The following ABCA5 variants were observed in gnomAD, a reference collection of about 807,000 sequenced individuals.
The protein encoded by ABCA5 is cholesterol transporter ABCA5.
ABCA5 carries 163 observed loss-of-function variants against 206.0 expected under a neutral mutation model. The observed-to-expected ratio is 0.79, with a 90% CI of 0.70 to 0.90. The LOEUF (loss-of-function observed/expected upper bound fraction) is 0.90, where lower values mean the gene tolerates loss of function less well. ABCA5 is among the 40% of genes least tolerant of loss of function. ABCA5 has a pLI of 0.00. For missense variants in ABCA5, 1,859 were observed against 1,912.9 expected (o/e 0.97, Z 0.53); for synonymous variants, 609 against 613.8 (o/e 0.99, Z 0.11).
chr17:69,281,209 G>A (rs1035150210), intron 18 of ABCA5, among the ~76,000 whole-genome samples: 2 of 151,596 alleles, frequency 1.3e-5, no homozygotes, highest in African/African-American at 4.8e-5. Flanking sequence ...AAATATTAAA[G>A]AGAATGTACT....
chr17:69,271,432 C>A (rs2075272848), intron 20 of ABCA5, 143 bp from the exon 21 acceptor site: 3 of 918,352 alleles, frequency 3.3e-6, no homozygotes, highest in Admixed American at 6.6e-5. Flanking sequence ...TGAAGCCAGT[C>A]AGCCTGGTTT....
intron 1 of ABCA5, chr17:69,318,921 G>A (rs1011883566): frequency 1.5e-5 from 10 of 656,678 alleles, no homozygotes; most frequent in Admixed American, 3.9e-5. Context: ...GTGGTAATGC[G>A]ATGTAATGGC....
At chr17:69,312,077 A>G (rs2075775937) in intron 3 of ABCA5, among the ~76,000 whole-genome samples, 1 of 152,244 alleles carries the variant, frequency 6.6e-6, no homozygotes, top group Admixed American at 6.5e-5. Flanking sequence ...GCGATGACAT[A>G]TAAGCTAATT....
chr17:69,277,755 G>C lies in ABCA5; in HGVS notation c.2480C>G (p.Ser827Cys). Residue 827 changes from serine to cysteine, a missense_variant, in exon 19 of 39, where the codon TCT (serine) becomes TGT (cysteine). Coordinates refer to ENST00000392676, the MANE Select transcript of ABCA5 (RefSeq NM_172232.4). ...GCTCACTAGAGCAGCCTTGGTTTCA[G>C]AAAGAATAAGTAAGCTCTGTTCCAT... Reference protein sequence around the residue: ...DEMEQSLLILSETKAALVSTM... With the variant: ...DEMEQSLLILCETKAALVSTM... 1 of 1,607,144 alleles carries C rather than the reference G, an allele frequency of 6.2e-7. No individual in the cohort carries two copies. Among genetic ancestry groups the C allele is most frequent in the Non-Finnish European group, 8.5e-7 (1 of 1,177,982 alleles).
chr17:69,286,041 G>A lies in ABCA5; in HGVS notation c.2133-4C>T, dbSNP rs1382052820. 6.3e-7 allele frequency: 1 copy of A among 1,597,394 alleles called. No homozygotes were observed. Among genetic ancestry groups the A allele is most frequent in the East Asian group, 2.3e-5 (1 of 44,406 alleles). The stretch of plus-strand genomic sequence containing the variant: ...ACAATATTTGTCTATGTACATGCTA[G>A]AGAATACCAAAAATCACAATTAATG... On this transcript the variant is annotated splice_region_variant and splice_polypyrimidine_tract_variant and intron_variant, in intron 16 of 38. Transcript: ENST00000392676.
intron 9 of ABCA5, among the ~76,000 whole-genome samples, chr17:69,300,307 G>A (rs532481480): frequency 6.6e-6 from 1 of 152,286 alleles, no homozygotes; most frequent in East Asian, 1.9e-4. Context: ...CTGACAGGAG[G>A]TGGAGCTCAG....
At chr17:69,254,226 C>T in intron 32 of ABCA5, 89 bp downstream of exon 32, 1 of 1,076,034 alleles carries the variant, frequency 9.3e-7, no homozygotes, top group Non-Finnish European at 1.3e-6. Context: ...AATCATTGTC[C>T]ACAGAAATGC....
rs754371724 is a variant in ABCA5, at chr17:69,284,051, C to G, written c.2294G>C (p.Ser765Thr). ...AGAAATGACACCCAAATTTGAATGA[C>G]TGTCTAGGGCAGAAAACAAACCTAA... ...KFSGLFSALD[S>T]HSNLGVISYG... The change falls in exon 18 of 39, where the codon AGT (serine) becomes ACT (threonine). Residue 765 changes from serine to threonine, a missense_variant. Physicochemically the swap from Ser to Thr is moderately conservative, Grantham distance 58. Transcript: ENST00000392676. 1.3e-6 allele frequency: 2 copies of G among 1,587,078 alleles called. No homozygotes were observed. Among genetic ancestry groups the G allele is most frequent in the Admixed American group, 3.7e-5 (2 of 54,718 alleles).
intron 10 of ABCA5, 49 bp from the exon 11 acceptor site, chr17:69,294,762 ATGTG>A: frequency 8.0e-7 from 1 of 1,255,000 alleles, no homozygotes; most frequent in Non-Finnish European, 1.1e-6. Flanking sequence ...ATTTATAAGT[ATGTG>A]TGTTTATTTA....
intron 28 of ABCA5, among the ~76,000 whole-genome samples, chr17:69,258,208 G>T (rs2075104853): frequency 6.6e-6 from 1 of 151,760 alleles, no homozygotes; most frequent in Non-Finnish European, 1.5e-5. Context: ...ACATAAAAAA[G>T]ACACCTGAAC....
intron 1 of ABCA5, among the ~76,000 whole-genome samples, chr17:69,318,432 T>C (rs2075835621): frequency 6.6e-6 from 1 of 152,110 alleles, no homozygotes; most frequent in South Asian, 2.1e-4. Flanking sequence ...TTCCAGTAAA[T>C]ATATATAATT....
intron 10 of ABCA5, 146 bp from the exon 11 acceptor site, chr17:69,294,859 C>T (rs1477706981): frequency 9.4e-6 from 5 of 531,138 alleles, no homozygotes; most frequent in Non-Finnish European, 1.6e-5. Flanking sequence ...AAACAATGAA[C>T]CAAATAATGT....
intron 28 of ABCA5, 151 bp from the exon 29 acceptor site, chr17:69,256,434 C>CT (rs959625331): frequency 5.6e-4 from 225 of 404,602 alleles, no homozygotes; most frequent in Middle Eastern, 1.4e-3. Context: ...AGCGATATTT[C>CT]TTTTTTTTTC....
chr17:69,287,199 T>C (rs1389773412), intron 15 of ABCA5, among the ~76,000 whole-genome samples: 3 of 152,236 alleles, frequency 2.0e-5, no homozygotes, highest in South Asian at 4.1e-4. Flanking sequence ...CCCAAGTAGA[T>C]ATTTCACACA....
intron 18 of ABCA5, among the ~76,000 whole-genome samples, chr17:69,283,391 A>G (rs2075417680): frequency 6.6e-6 from 1 of 152,098 alleles, no homozygotes. Flanking sequence ...TCATTCAACA[A>G]CCAGAACGTG....
chr17:69,261,420 G>A (rs2075145667), intron 25 of ABCA5, among the ~76,000 whole-genome samples, 161 bp from the exon 26 acceptor site: 1 of 152,036 alleles, frequency 6.6e-6, no homozygotes, highest in African/African-American at 2.4e-5. Context: ...TTTGTAGCTA[G>A]TATCCTTGAT....
chr17:69,289,812 G>A, intron 13 of ABCA5, 50 bp downstream of exon 13: 3 of 1,404,364 alleles, frequency 2.1e-6, no homozygotes, highest in Non-Finnish European at 2.9e-6. Context: ...ATTACAAAAG[G>A]TTATTGATTA....
At chr17:69,285,031 T>G (rs2075435368) in intron 17 of ABCA5, among the ~76,000 whole-genome samples, 1 of 152,218 alleles carries the variant, frequency 6.6e-6, no homozygotes, top group African/African-American at 2.4e-5. Flanking sequence ...GCTCCACCAC[T>G]TTCTACCTGT....
chr17:69,277,191 G>A (rs997659565), intron 19 of ABCA5, among the ~76,000 whole-genome samples: 3 of 152,024 alleles, frequency 2.0e-5, no homozygotes, highest in South Asian at 2.1e-4. Context: ...ATAAATAGAG[G>A]TAAAACTCAT....
Sources: gnomAD v4.1 joint callset for allele counts (sites outside exome capture counted in the v4.1 genomes callset) on GRCh38, gnomAD v4.1.1 for gene constraint, MANE v1.5 for transcripts, NCBI Gene and HGNC (gene_info 2026-07-23, HGNC 2026-07-21) for gene names.